The following GALNT13 variants were observed in gnomAD, a reference collection of about 807,000 sequenced individuals.
GALNT13 encodes UDP-GalNAc:polypeptide N-acetylgalactosaminyltransferase 13.
GALNT13 carries 28 observed loss-of-function variants against 64.2 expected under a neutral mutation model. That is an observed-to-expected ratio of 0.44 (90% CI 0.32 to 0.60). The LOEUF is 0.60. GALNT13 is among the 20% of genes least tolerant of loss of function. GALNT13 has a pLI of 0.05. For synonymous variants in GALNT13, 214 were observed against 224.6 expected (o/e 0.95, Z 0.42); for missense variants, 577 against 669.8 (o/e 0.86, Z 1.53).
intron 4 of GALNT13, among the ~76,000 whole-genome samples, chr2:154,227,212 GT>G (rs1237701325): frequency 1.3e-5 from 2 of 152,110 alleles, no homozygotes; most frequent in South Asian, 2.1e-4. Flanking sequence ...TGCTGATGAT[GT>G]GGGGAGGGGC....
the GALNT13 span, among the ~76,000 whole-genome samples, chr2:153,093,700 T>A: frequency 6.6e-6 from 1 of 152,120 alleles, no homozygotes; most frequent in East Asian, 1.9e-4. Flanking sequence ...ACAGAATGAG[T>A]TTGGAAGTAT....
chr2:154,355,842 T>C (rs1414860212), intron 9 of GALNT13, among the ~76,000 whole-genome samples: 4 of 152,024 alleles, frequency 2.6e-5, no homozygotes, highest in Non-Finnish European at 5.9e-5. Context: ...GATTATGAGG[T>C]CATGTTTTTC....
chr2:153,711,982 G>T, the GALNT13 span, among the ~76,000 whole-genome samples: 1 of 152,072 alleles, frequency 6.6e-6, no homozygotes, highest in East Asian at 1.9e-4. Context: ...AGTAAAATAC[G>T]CTACTTCTCC....
intron 3 of GALNT13, among the ~76,000 whole-genome samples, chr2:154,044,885 A>G (rs2105334474): frequency 6.6e-6 from 1 of 152,320 alleles, no homozygotes; most frequent in South Asian, 2.1e-4. Context: ...TGAGATATCT[A>G]GAGGGTAGAT....
chr2:153,507,811 A>C, the GALNT13 span, among the ~76,000 whole-genome samples: 1 of 152,164 alleles, frequency 6.6e-6, no homozygotes, highest in Non-Finnish European at 1.5e-5. Flanking sequence ...GTCAGAGGGA[A>C]GATATGGGAC....
At chr2:153,602,489 G>C in the GALNT13 span, among the ~76,000 whole-genome samples, 5 of 123,112 alleles carry the variant, frequency 4.1e-5, no homozygotes, top group South Asian at 1.6e-3. Flanking sequence ...GGGGTGATTT[G>C]AGAGAGACAT....
At chr2:153,899,197 A>G (rs1331207432) in intron 1 of GALNT13, among the ~76,000 whole-genome samples, 1 of 152,158 alleles carries the variant, frequency 6.6e-6, no homozygotes, top group Non-Finnish European at 1.5e-5. Context: ...GATGCAACCT[A>G]GAAACTAGCA....
intron 4 of GALNT13, among the ~76,000 whole-genome samples, chr2:154,174,652 C>T (rs1467754145): frequency 3.3e-5 from 5 of 152,062 alleles, no homozygotes; most frequent in African/African-American, 1.2e-4. Context: ...AAAGATATAA[C>T]CTTTATTTCC....
At chr2:154,412,809 C>T (rs369538112) in intron 11 of GALNT13, among the ~76,000 whole-genome samples, 4 of 151,864 alleles carry the variant, frequency 2.6e-5, no homozygotes, top group African/African-American at 9.6e-5. Flanking sequence ...TTTTGAAGTG[C>T]TCTTTTTTTA....
chr2:153,222,336 G>GGT, the GALNT13 span, among the ~76,000 whole-genome samples: 1 of 38,300 alleles, frequency 2.6e-5, no homozygotes. Context: ...GTGGGGTGGG[G>GGT]GGGGGGGTTG....
intron 3 of GALNT13, among the ~76,000 whole-genome samples, chr2:154,010,103 G>T (rs1334866169): frequency 2.0e-5 from 3 of 152,144 alleles, no homozygotes; most frequent in African/African-American, 7.2e-5. Flanking sequence ...TCATATAGTT[G>T]TGAAGAGAGA....
At chr2:153,817,190 T>C in the GALNT13 span, among the ~76,000 whole-genome samples, 1 of 152,224 alleles carries the variant, frequency 6.6e-6, no homozygotes, top group African/African-American at 2.4e-5. Flanking sequence ...ATGTGAGTTT[T>C]CATGGGATGT....
intron 10 of GALNT13, among the ~76,000 whole-genome samples, chr2:154,406,813 C>T (rs1447690474): frequency 1.3e-5 from 2 of 152,140 alleles, no homozygotes; most frequent in African/African-American, 4.8e-5. Flanking sequence ...CTTTCTGTCT[C>T]CTCAGCACCT....
intron 2 of GALNT13, among the ~76,000 whole-genome samples, chr2:153,921,772 A>T (rs1391571406): frequency 2.6e-5 from 4 of 152,170 alleles, no homozygotes. Context: ...TTTGGAAAAG[A>T]TGGCAGAAAC....
At chr2:153,849,481 T>C in the GALNT13 span, among the ~76,000 whole-genome samples, 27 of 152,154 alleles carry the variant, frequency 1.8e-4, no homozygotes, top group Admixed American at 1.2e-3. Context: ...TTCTAAAAAA[T>C]GTATGAAACA....
the GALNT13 span, among the ~76,000 whole-genome samples, chr2:153,362,553 C>CA: frequency 7.4e-3 from 592 of 80,260 alleles, 27 homozygotes; most frequent in East Asian, 0.026. Flanking sequence ...AAATGGAGAG[C>CA]AAAAAAAAAA....
chr2:153,105,141 G>A, the GALNT13 span, among the ~76,000 whole-genome samples: 1 of 147,498 alleles, frequency 6.8e-6, no homozygotes. Flanking sequence ...CTGGCAAACC[G>A]AATCCAGCAG....
chr2:154,019,536 G>A (rs1697269462), intron 3 of GALNT13, among the ~76,000 whole-genome samples: 1 of 148,974 alleles, frequency 6.7e-6, no homozygotes, highest in African/African-American at 2.5e-5. Context: ...CTTGAACTTG[G>A]GAGGCAGAGG....
At position 153,950,205 on chromosome 2, in the gene GALNT13, A is replaced by G. The variant is rs72865060; in HGVS notation, c.142+5566A>G. On this transcript the variant is annotated intron_variant, in intron 3 of 12. Coordinates refer to ENST00000392825, the MANE Select transcript of GALNT13 (RefSeq NM_052917.4). Reference sequence around the variant, plus strand: ...GCAACTGACCAATTATTAAGTACGTATAAGTAACTTGATTGTTATATATAT... The same window carrying G: ...GCAACTGACCAATTATTAAGTACGTGTAAGTAACTTGATTGTTATATATAT... Among the ~76,000 whole-genome samples, 415 of 152,052 alleles carry G rather than the reference A, an allele frequency of 2.7e-3. 1 individual carries two copies. Among genetic ancestry groups the G allele is most frequent in the Middle Eastern group, 6.8e-3 (2 of 294 alleles).
Sources: gnomAD v4.1 joint callset for allele counts (sites outside exome capture counted in the v4.1 genomes callset) on GRCh38, gnomAD v4.1.1 for gene constraint, MANE v1.5 for transcripts, NCBI Gene and HGNC (gene_info 2026-07-23, HGNC 2026-07-21) for gene names.